CTNND2: variants seen among roughly 807,000 people sequenced by gnomAD.
CTNND2 encodes the protein catenin delta 2.
CTNND2 carries 22 observed loss-of-function variants against 144.4 expected under a neutral mutation model. The ratio of observed to expected loss-of-function variants is 0.15; its 90% CI spans 0.11 to 0.22. The LOEUF is 0.22. Among genes scored for constraint, CTNND2 ranks in the 10% least tolerant of loss-of-function variants. CTNND2 has a pLI of 1.00. For missense variants in CTNND2, 1,353 were observed against 1,618.8 expected (o/e 0.84, Z 2.82); for synonymous variants, 751 against 695.6 (o/e 1.08, Z -1.25).
intron 9 of CTNND2, among the ~76,000 whole-genome samples, chr5:11,344,247 C>T (rs952299682): frequency 5.3e-5 from 8 of 152,134 alleles, no homozygotes; most frequent in Admixed American, 1.3e-4. Context: ...AAAAAATTAG[C>T]CGGGCGCGGT....
intron 2 of CTNND2, among the ~76,000 whole-genome samples, chr5:11,653,156 T>G (rs1020616719): frequency 3.3e-5 from 5 of 151,662 alleles, no homozygotes; most frequent in African/African-American, 1.2e-4. Flanking sequence ...GACAGACATT[T>G]AGGTTGTTTC....
chr5:11,051,479 G>C (rs1745817158), intron 16 of CTNND2, among the ~76,000 whole-genome samples: 1 of 152,212 alleles, frequency 6.6e-6, no homozygotes, highest in Non-Finnish European at 1.5e-5. Flanking sequence ...TCAAGCTCAT[G>C]CATTTGGAAC....
intron 3 of CTNND2, among the ~76,000 whole-genome samples, chr5:11,492,969 G>A (rs1769583301): frequency 6.6e-6 from 1 of 152,046 alleles, no homozygotes; most frequent in Non-Finnish European, 1.5e-5. Flanking sequence ...ATACTCAGGA[G>A]GCTGAGGCAG....
At chr5:11,682,836 T>A (rs1248664819) in intron 2 of CTNND2, among the ~76,000 whole-genome samples, 1 of 152,048 alleles carries the variant, frequency 6.6e-6, no homozygotes, top group Non-Finnish European at 1.5e-5. Flanking sequence ...TCTGATAGGA[T>A]GAAAAACAGA....
chr5:11,737,207 C>T lies in CTNND2; in HGVS notation c.38-4935G>A, dbSNP rs147563499. ...TGGAAAGGTCATGAGAATGTTACCT[C>T]ACCACAATGTTAACCACACGGATCT... On this transcript the variant is annotated intron_variant, in intron 1 of 21. Transcript: ENST00000304623. 2.4e-3 allele frequency among the ~76,000 whole-genome samples: 369 copies of T among 152,336 alleles called. 1 individual carries two copies. The highest frequency in any genetic ancestry group is 8.3e-3 in the African/African-American group (345 of 41,580).
At chr5:11,888,419 T>C (rs961163426) in intron 1 of CTNND2, among the ~76,000 whole-genome samples, 56 of 152,240 alleles carry the variant, frequency 3.7e-4, no homozygotes, top group African/African-American at 1.3e-3. Context: ...GCTAATTCTT[T>C]CCAGCCTTGC....
chr5:11,835,075 C>G (rs996614238), intron 1 of CTNND2, among the ~76,000 whole-genome samples: 1 of 152,188 alleles, frequency 6.6e-6, no homozygotes, highest in African/African-American at 2.4e-5. Context: ...GAGGTGGAGG[C>G]TGCGGTAAGC....
At chr5:11,624,059 T>C (rs1781021974) in intron 2 of CTNND2, among the ~76,000 whole-genome samples, 1 of 151,722 alleles carries the variant, frequency 6.6e-6, no homozygotes, top group Admixed American at 6.6e-5. Flanking sequence ...ATAAATCACC[T>C]AGCCTCTGGT....
At chr5:11,847,094 A>G (rs991624025) in intron 1 of CTNND2, among the ~76,000 whole-genome samples, 1 of 144,994 alleles carries the variant, frequency 6.9e-6, no homozygotes, top group Non-Finnish European at 1.5e-5. Context: ...CTGGGTGTAT[A>G]TCCAAAGGAA....
At chr5:11,440,882 T>C (rs1341555266) in intron 3 of CTNND2, among the ~76,000 whole-genome samples, 1 of 152,234 alleles carries the variant, frequency 6.6e-6, no homozygotes, top group Non-Finnish European at 1.5e-5. Flanking sequence ...CTTTTGCTTT[T>C]ATATGCTGAG....
rs1382655893 is a variant in CTNND2, at chr5:11,385,123, A to G, written c.719T>C (p.Leu240Pro). 9.8e-6 allele frequency: 10 copies of G among 1,019,004 alleles called. No homozygotes were observed. Among genetic ancestry groups the G allele is most frequent in the Non-Finnish European group, 1.2e-5 (10 of 854,518 alleles). 63.1% of individuals were successfully genotyped at this position (1,019,004 alleles called of 1,614,324 possible). ...FAPSLGSAFH[L>P]PDAPPAAAAA... ...GGCGGCGGCGGGCGGCGCGTCGGGCAGGTGGAAGGCGCTGCCCAGGCTGGG... is the reference window on the plus strand; with the variant it reads ...GGCGGCGGCGGGCGGCGCGTCGGGCGGGTGGAAGGCGCTGCCCAGGCTGGG... Residue 240 changes from leucine (L) to proline (P), a missense_variant, in exon 7 of 22, where the codon CTG becomes CCG. Leu to Pro is a moderately conservative substitution (Grantham distance 98, BLOSUM62 -3). Transcript: ENST00000304623.
chr5:11,551,966 C>T (rs1775803171), intron 3 of CTNND2, among the ~76,000 whole-genome samples: 1 of 151,974 alleles, frequency 6.6e-6, no homozygotes, highest in East Asian at 1.9e-4. Flanking sequence ...AACTCCTGGC[C>T]TCAAGTGATC....
At chr5:11,460,686 A>G (rs1766124063) in intron 3 of CTNND2, among the ~76,000 whole-genome samples, 2 of 152,130 alleles carry the variant, frequency 1.3e-5, no homozygotes, top group African/African-American at 2.4e-5. Flanking sequence ...CCTCAGATAC[A>G]GCTCACTCCC....
rs79805737 is a variant in CTNND2 at position 11,815,473 on chromosome 5, C to T, written c.38-83201G>A. Among the ~76,000 whole-genome samples the T allele has an allele frequency of 3.9e-3, 589 of 152,264 alleles. 17 individuals are homozygous for T. The South Asian group carries it at 0.064, about 16-fold the overall frequency. On this transcript the variant is annotated intron_variant, in intron 1 of 21. Coordinates refer to ENST00000304623, the MANE Select transcript of CTNND2 (RefSeq NM_001332.4). ...TTTATCTTATAAAATCCTCAGGAGA[C>T]TCAAACTGTGTTTTATGATTTATGA...
At chr5:11,153,473 G>T (rs1361006409) in intron 12 of CTNND2, among the ~76,000 whole-genome samples, 7 of 152,180 alleles carry the variant, frequency 4.6e-5, no homozygotes, top group African/African-American at 1.4e-4. Flanking sequence ...GCTAATGCAA[G>T]AGTAAGCCAC....
intron 1 of CTNND2, among the ~76,000 whole-genome samples, chr5:11,746,442 T>A (rs76000664): frequency 0.018 from 2,751 of 152,216 alleles, 73 homozygotes; most frequent in African/African-American, 0.063. Flanking sequence ...AGATATTACA[T>A]GATCACTAAG....
chr5:11,751,448 C>A (rs1047636069), intron 1 of CTNND2, among the ~76,000 whole-genome samples: 8 of 151,788 alleles, frequency 5.3e-5, no homozygotes, highest in Admixed American at 2.0e-4. Context: ...CACATGTACT[C>A]AATATTTACC....
At chr5:11,362,474 C>A (rs571920757) in intron 8 of CTNND2, among the ~76,000 whole-genome samples, 1 of 152,146 alleles carries the variant, frequency 6.6e-6, no homozygotes, top group Admixed American at 6.6e-5. Context: ...GCAGGGAAGA[C>A]AGAGTTTGCG....
chr5:11,548,311 AG>A (rs1775439319), intron 3 of CTNND2, among the ~76,000 whole-genome samples: 1 of 152,216 alleles, frequency 6.6e-6, no homozygotes, highest in South Asian at 2.1e-4. Context: ...GGGGCCTAGA[AG>A]ACTCTCCAAC....
Sources: allele counts gnomAD v4.1 joint callset (sites outside exome capture counted in the v4.1 genomes callset), GRCh38; gene constraint gnomAD v4.1.1; transcripts MANE v1.5; gene names NCBI Gene and HGNC (gene_info 2026-07-23, HGNC 2026-07-21).